Variants in EPS15L1 observed in about 807,000 individuals in gnomAD.
EPS15L1 encodes the protein epidermal growth factor receptor pathway substrate 15 like 1.
In EPS15L1, 43 loss-of-function variants were observed where a neutral mutation model predicts 117.1. The observed-to-expected ratio is 0.37, with a 90% CI of 0.29 to 0.47. EPS15L1 has a LOEUF of 0.47. Among genes scored for constraint, EPS15L1 ranks in the 20% least tolerant of loss-of-function variants. The pLI, the probability that EPS15L1 is intolerant of heterozygous loss-of-function variation, is 0.99. For synonymous variants in EPS15L1, 459 were observed against 470.5 expected (o/e 0.98, Z 0.32); for missense variants, 981 against 1,164.0 (o/e 0.84, Z 2.29).
chr19:16,360,801 T>G (rs376940327), intron 23 of EPS15L1, among the ~76,000 whole-genome samples: 4 of 152,130 alleles, frequency 2.6e-5, no homozygotes, highest in Non-Finnish European at 5.9e-5. Context: ...CGGTAGAGAT[T>G]ATCAAGACGG....
chr19:16,467,834 G>A (rs938456612), intron 1 of EPS15L1, among the ~76,000 whole-genome samples: 3 of 152,182 alleles, frequency 2.0e-5, no homozygotes, highest in African/African-American at 4.8e-5. Flanking sequence ...GCAGGAGGAC[G>A]CAGGTGTGAC....
chr19:16,390,957 T>C (rs1036296471), intron 19 of EPS15L1, among the ~76,000 whole-genome samples: 8 of 152,190 alleles, frequency 5.3e-5, no homozygotes, highest in Non-Finnish European at 1.0e-4. Context: ...AAGTTGAAAA[T>C]GTACGTAATA....
intron 6 of EPS15L1, among the ~76,000 whole-genome samples, chr19:16,435,814 A>ACCCCAATTACAGCATCTGG (rs1449780590): frequency 1.3e-5 from 2 of 151,906 alleles, no homozygotes; most frequent in Non-Finnish European, 2.9e-5. Context: ...ACCACAGTAC[A>ACCCCAATTACAGCATCTGG]CCCCAATTAC....
chr19:16,442,058 C>T, intron 2 of EPS15L1, 77 bp from the exon 3 acceptor site: 1 of 1,484,090 alleles, frequency 6.7e-7, no homozygotes. Flanking sequence ...GCCACGCTAA[C>T]TATCCGCTGA....
chr19:16,461,060 C>G (rs2093244474), intron 1 of EPS15L1, among the ~76,000 whole-genome samples: 1 of 152,064 alleles, frequency 6.6e-6, no homozygotes, highest in Admixed American at 6.6e-5. Flanking sequence ...AATCCCAGCA[C>G]TTTGGGAGGC....
At chr19:16,467,993 A>C (rs900679231) in intron 1 of EPS15L1, among the ~76,000 whole-genome samples, 1 of 152,212 alleles carries the variant, frequency 6.6e-6, no homozygotes, top group Non-Finnish European at 1.5e-5. Context: ...TGAAGAACAC[A>C]TAACAAGGGG....
At position 16,361,840 on chromosome 19, in the gene EPS15L1, A is replaced by C. The variant is rs761348291; in HGVS notation, c.2525T>G (p.Val842Gly). 1.9e-6 allele frequency: 3 copies of C among 1,613,852 alleles called. No individual in the cohort carries two copies. The change falls in exon 23 of 24, where the codon GTC (valine) becomes GGC (glycine). Residue 842 changes from valine (V) to glycine (G), a missense_variant. Around this residue, in one of 5 missense-constraint regions of EPS15L1, gnomAD observed 819 missense variants for 949.0 expected, o/e 0.86. Transcript: ENST00000455140. Reference sequence around the variant, plus strand: ...AGAAGGTTTAGCTGCAGAGGAGGGGACAAATGGGTCTTTTCCACTAAACGG... The same window carrying C: ...AGAAGGTTTAGCTGCAGAGGAGGGGCCAAATGGGTCTTTTCCACTAAACGG... ...GDPFSGKDPF[V>G]PSSAAKPSKA... is the part of the protein sequence containing the mutation.
chr19:16,464,354 G>A (rs1445118197), intron 1 of EPS15L1, among the ~76,000 whole-genome samples: 1 of 152,182 alleles, frequency 6.6e-6, no homozygotes, highest in Non-Finnish European at 1.5e-5. Context: ...CTGACCAGCG[G>A]TAAAACCCAG....
intron 1 of EPS15L1, among the ~76,000 whole-genome samples, chr19:16,464,158 C>T (rs886070539): frequency 6.6e-6 from 1 of 152,258 alleles, no homozygotes; most frequent in African/African-American, 2.4e-5. Flanking sequence ...ATCAGGTCTA[C>T]ATTCCACACC....
intron 10 of EPS15L1, among the ~76,000 whole-genome samples, chr19:16,421,043 C>T (rs2092808787): frequency 6.6e-6 from 1 of 152,242 alleles, no homozygotes; most frequent in Non-Finnish European, 1.5e-5. Flanking sequence ...AGAATAGGGC[C>T]CAGCTGTGTA....
intron 7 of EPS15L1, among the ~76,000 whole-genome samples, chr19:16,433,648 A>AC (rs2092950815): frequency 6.6e-6 from 1 of 151,546 alleles, no homozygotes; most frequent in South Asian, 2.1e-4. Context: ...ACACAGTGAG[A>AC]CCCCATCTCT....
intron 16 of EPS15L1, chr19:16,400,535 A>C: frequency 1.6e-6 from 1 of 618,728 alleles, no homozygotes; most frequent in Non-Finnish European, 2.0e-6. Flanking sequence ...GAACTAAGAC[A>C]CCTCTCTCTC....
intron 16 of EPS15L1, among the ~76,000 whole-genome samples, chr19:16,395,826 T>G (rs2092533991): frequency 6.6e-6 from 1 of 151,808 alleles, no homozygotes; most frequent in Non-Finnish European, 1.5e-5. Flanking sequence ...GCACCTGTAA[T>G]CCCAGCTACT....
chr19:16,379,718 G>C (rs1000910232), intron 21 of EPS15L1, among the ~76,000 whole-genome samples: 4 of 152,080 alleles, frequency 2.6e-5, no homozygotes, highest in African/African-American at 4.8e-5. Context: ...ACCATCTAAG[G>C]CTCCAGCGTC....
intron 22 of EPS15L1, 135 bp from the exon 23 acceptor site, chr19:16,362,119 A>T: frequency 1.1e-6 from 1 of 881,600 alleles, no homozygotes; most frequent in Non-Finnish European, 1.7e-6. Context: ...AACAGGCTGG[A>T]CGGGGGTACC....
chr19:16,402,071 T>G (rs1020648748), intron 16 of EPS15L1: 26 of 1,247,518 alleles, frequency 2.1e-5, no homozygotes, highest in Admixed American at 3.9e-5. Flanking sequence ...ATGGAGGGCA[T>G]TCAAAACAGG....
intron 1 of EPS15L1, among the ~76,000 whole-genome samples, chr19:16,457,566 G>A (rs1294645389): frequency 2.0e-5 from 3 of 152,132 alleles, no homozygotes; most frequent in Non-Finnish European, 4.4e-5. Context: ...ATGGAGGGGC[G>A]GGCGTGTAGG....
Position 16,363,734 on chromosome 19 carries a change from C to T in EPS15L1, c.2381-1750G>A, listed in dbSNP as rs1049661011. On this transcript the variant is annotated intron_variant, in intron 22 of 23. Transcript: ENST00000455140. Reference sequence around the variant, plus strand: ...TCTCCTCCCACTCAGTGTCCTGCACCGCCGTGCCCAGCATAGGCCAGTGAG... The same window carrying T: ...TCTCCTCCCACTCAGTGTCCTGCACTGCCGTGCCCAGCATAGGCCAGTGAG... Among the ~76,000 whole-genome samples, 3 of 152,186 alleles carry T rather than the reference C, an allele frequency of 2.0e-5. 1 individual carries two copies. The East Asian group carries it at 5.8e-4, about 29-fold the overall frequency.
At chr19:16,403,652 A>C in intron 15 of EPS15L1, 81 bp downstream of exon 15, 2 of 1,314,526 alleles carry the variant, frequency 1.5e-6, no homozygotes, top group African/African-American at 1.4e-5. Context: ...GGTGAGAGCA[A>C]AGGAGTTCAG....
Sources: allele counts gnomAD v4.1 joint callset (sites outside exome capture counted in the v4.1 genomes callset), GRCh38; gene constraint gnomAD v4.1.1; regional missense constraint gnomAD v4.1.1; transcripts MANE v1.5; gene names NCBI Gene and HGNC (gene_info 2026-07-23, HGNC 2026-07-21).